The following AGMO variants were observed in gnomAD, a reference collection of about 807,000 sequenced individuals.
AGMO encodes glyceryl-ether monooxygenase.
Under a neutral mutation model 60.2 loss-of-function variants are expected in AGMO, and 75 were observed. The observed-to-expected ratio is 1.25, with a 90% confidence interval of 1.03 to 1.51. The LOEUF (loss-of-function observed/expected upper bound fraction) is 1.51, where lower values mean the gene tolerates loss of function less well. Among genes scored for constraint, AGMO ranks in the 40% most tolerant of loss-of-function variants. The pLI, the probability that AGMO is intolerant of heterozygous loss-of-function variation, is 0.00. For missense variants in AGMO, 763 were observed against 525.5 expected, an observed-to-expected ratio of 1.45 and a Z score of -4.42; for synonymous variants, 261 against 177.1, an observed-to-expected ratio of 1.47 and a Z score of -3.76.
intron 12 of AGMO, among the ~76,000 whole-genome samples, chr7:15,343,924 A>G (rs1041527085): frequency 1.3e-5 from 2 of 152,174 alleles, no homozygotes; most frequent in Non-Finnish European, 2.9e-5. Context: ...TCATGTACAC[A>G]AGGAAAATGA....
At chr7:15,437,255 T>C (rs756539531) in intron 3 of AGMO, among the ~76,000 whole-genome samples, 4 of 152,292 alleles carry the variant, frequency 2.6e-5, no homozygotes, top group South Asian at 2.1e-4. Flanking sequence ...TCACTTCCTA[T>C]AGCAGCAAAT....
At position 15,507,840 on chromosome 7, in the gene AGMO, G is replaced by T. The variant is rs139632017; in HGVS notation, c.409+36932C>A. Among the ~76,000 whole-genome samples, 197 of 152,192 alleles carry T rather than the reference G, an allele frequency of 1.3e-3. 3 individuals are homozygous for T. In the East Asian group the frequency reaches 0.03, roughly 23 times the overall value. Reference sequence around the variant, plus strand: ...ACAGTAAACTATTCACAGATCAAGTGAATGCACTGATACCATGTCTGAGGT... The same window carrying T: ...ACAGTAAACTATTCACAGATCAAGTTAATGCACTGATACCATGTCTGAGGT... On this transcript the variant is annotated intron_variant, in intron 3 of 12. Coordinates refer to ENST00000342526, the MANE Select transcript of AGMO (RefSeq NM_001004320.2).
chr7:15,414,410 G>T (rs1459630631), intron 5 of AGMO, among the ~76,000 whole-genome samples: 1 of 151,800 alleles, frequency 6.6e-6, no homozygotes, highest in Non-Finnish European at 1.5e-5. Flanking sequence ...TTTATGATAA[G>T]TATTATATTA....
intron 12 of AGMO, among the ~76,000 whole-genome samples, chr7:15,284,169 C>A (rs1040614130): frequency 3.3e-5 from 5 of 151,766 alleles, no homozygotes; most frequent in Non-Finnish European, 7.4e-5. Flanking sequence ...ATACCTCAGG[C>A]AACCAGAGAA....
chr7:15,320,212 G>T lies in AGMO; in HGVS notation c.1263+45302C>A, dbSNP rs192710458. Among the ~76,000 whole-genome samples, 86 of 152,004 alleles carry T rather than the reference G, an allele frequency of 5.7e-4. 1 individual carries two copies. Among genetic ancestry groups the T allele is most frequent in the Non-Finnish European group, 9.7e-4 (66 of 67,964 alleles). ...ACCACCACGGCACACGTATACATAT[G>T]TAACAAACCTGCACGTTTTACACAT... On this transcript the variant is annotated intron_variant, in intron 12 of 12. Coordinates refer to ENST00000342526, the MANE Select transcript of AGMO (RefSeq NM_001004320.2).
At chr7:15,387,919 T>TTTC (rs1554265136) in intron 8 of AGMO, among the ~76,000 whole-genome samples, 4 of 146,588 alleles carry the variant, frequency 2.7e-5, no homozygotes, top group Admixed American at 2.7e-4. Context: ...TTTTTTTTTT[T>TTTC]TTCCCCAAGA....
intron 3 of AGMO, among the ~76,000 whole-genome samples, chr7:15,512,549 G>A (rs548777944): frequency 1.2e-4 from 18 of 152,188 alleles, no homozygotes; most frequent in African/African-American, 4.1e-4. Context: ...CACTATGCCC[G>A]GCCTAAAGTC....
intron 3 of AGMO, among the ~76,000 whole-genome samples, chr7:15,528,445 T>A (rs969065112): frequency 6.6e-6 from 1 of 152,094 alleles, no homozygotes; most frequent in Non-Finnish European, 1.5e-5. Context: ...ATATTATACA[T>A]AAGGCATCCT....
At position 15,296,173 on chromosome 7, in the gene AGMO, C is replaced by T. The variant is rs117498744; in HGVS notation, c.1263+69341G>A. Among the ~76,000 whole-genome samples, 61 of 152,106 alleles carry T rather than the reference C, an allele frequency of 4.0e-4. 1 individual carries two copies. The East Asian group carries it at 9.5e-3, about 24-fold the overall frequency. On this transcript the variant is annotated intron_variant, in intron 12 of 12. Transcript: ENST00000342526. ...GGGACTATACAATCACTAAGTTTAA[C>T]TTCTCAACCAATATAGTGCCACTCC...
chr7:15,342,801 A>AAAAAAAAAAAAAC lies in AGMO; in HGVS notation c.1263+22712_1263+22713insGTTTTTTTTTTTT, dbSNP rs778682811. Among the ~76,000 whole-genome samples, 25 of 107,942 alleles carry AAAAAAAAAAAAAC rather than the reference A, an allele frequency of 2.3e-4. 5 individuals carry two copies. Among genetic ancestry groups the AAAAAAAAAAAAAC allele is most frequent in the African/African-American group, 1.0e-3 (25 of 23,852 alleles). The allele number at this position is 107,942 out of a possible 152,430, so 70.8% of individuals were successfully genotyped here. A position where few individuals can be genotyped will look rare whatever the true frequency, so the allele number is the denominator to read the frequency against. ...CTGCAAAAAAAAAAAAAAAAAAAAA[A>AAAAAAAAAAAAAC]AAAATTGATCTGAATTCTACCTCTA... On this transcript the variant is annotated intron_variant, in intron 12 of 12. Transcript: ENST00000342526.
At chr7:15,134,007 C>A in the AGMO span, among the ~76,000 whole-genome samples, 3 of 152,110 alleles carry the variant, frequency 2.0e-5, no homozygotes, top group African/African-American at 7.2e-5. Flanking sequence ...ATCATAAATA[C>A]CATCGAGAGT....
the AGMO span, among the ~76,000 whole-genome samples, chr7:15,152,892 T>G: frequency 6.6e-6 from 1 of 152,178 alleles, no homozygotes; most frequent in Non-Finnish European, 1.5e-5. Flanking sequence ...ATGACAGATC[T>G]ACTTTTAGTA....
At chr7:15,243,571 G>C (rs182418399) in intron 12 of AGMO, among the ~76,000 whole-genome samples, 4 of 152,204 alleles carry the variant, frequency 2.6e-5, no homozygotes, top group African/African-American at 4.8e-5. Context: ...CGTGGCTGGA[G>C]AGTTTCAAAG....
At chr7:15,162,415 A>G in the AGMO span, among the ~76,000 whole-genome samples, 1 of 152,176 alleles carries the variant, frequency 6.6e-6, no homozygotes, top group Non-Finnish European at 1.5e-5. Flanking sequence ...AAAGGTGACC[A>G]GGCATGGTAG....
At chr7:15,427,007 G>C (rs563375166) in intron 4 of AGMO, among the ~76,000 whole-genome samples, 89 of 152,232 alleles carry the variant, frequency 5.8e-4, no homozygotes, top group Middle Eastern at 3.4e-3. Flanking sequence ...TATAGGCAGA[G>C]TTAGCTTCAT....
At chr7:15,213,343 C>A (rs944441001) in intron 12 of AGMO, among the ~76,000 whole-genome samples, 1 of 151,630 alleles carries the variant, frequency 6.6e-6, no homozygotes, top group Non-Finnish European at 1.5e-5. Context: ...TCAGGACAAG[C>A]AGTTTATTTG....
chr7:15,230,588 A>G (rs1782231265), intron 12 of AGMO, among the ~76,000 whole-genome samples: 1 of 152,190 alleles, frequency 6.6e-6, no homozygotes, highest in African/African-American at 2.4e-5. Context: ...GCTCTTTGAC[A>G]TATTTACATT....
chr7:15,205,600 A>G (rs1781419053), intron 12 of AGMO, among the ~76,000 whole-genome samples: 1 of 152,118 alleles, frequency 6.6e-6, no homozygotes, highest in Non-Finnish European at 1.5e-5. Context: ...AAAGTCACTT[A>G]CTCTACTTTG....
rs376626746 is a variant in AGMO, at chr7:15,482,149, A to G, written c.410-51041T>C. Among the ~76,000 whole-genome samples the G allele has an allele frequency of 2.6e-5, 4 of 151,994 alleles. No individual in the cohort carries two copies. In the South Asian group the frequency reaches 8.3e-4, roughly 32 times the overall value. ...GAAAATGAAACAGAAAAAGAGAAAG[A>G]AGAAATAAAAAATTAAGAAAATAAA... On this transcript the variant is annotated intron_variant, in intron 3 of 12. Coordinates refer to ENST00000342526, the MANE Select transcript of AGMO (RefSeq NM_001004320.2).
Sources: gnomAD v4.1 joint callset for allele counts (sites outside exome capture counted in the v4.1 genomes callset) on GRCh38, gnomAD v4.1.1 for gene constraint, MANE v1.5 for transcripts, NCBI Gene and HGNC (gene_info 2026-07-23, HGNC 2026-07-21) for gene names.